The following C1orf21 variants were observed in gnomAD, a reference collection of about 807,000 sequenced individuals.
C1orf21 encodes uncharacterized protein C1orf21.
C1orf21 carries 3 observed loss-of-function variants against 18.7 expected under a neutral mutation model. The ratio of observed to expected loss-of-function variants is 0.16; its 90% confidence interval spans 0.07 to 0.42. C1orf21 has a LOEUF of 0.42. Ranked by LOEUF, C1orf21 falls within the 10% of genes least tolerant of loss-of-function variation. The pLI is 0.99. For synonymous variants in C1orf21, 41 were observed against 46.4 expected (o/e 0.88, Z 0.47); for missense variants, 104 against 143.6 (o/e 0.72, Z 1.41).
intron 1 of C1orf21, among the ~76,000 whole-genome samples, chr1:184,395,454 C>T (rs1321512503): frequency 6.6e-6 from 1 of 152,008 alleles, no homozygotes; most frequent in African/African-American, 2.4e-5. Context: ...CTTTGTTATT[C>T]ACTCAGATAA....
At chr1:184,426,735 G>T (rs1656643439) in intron 1 of C1orf21, among the ~76,000 whole-genome samples, 1 of 152,062 alleles carries the variant, frequency 6.6e-6, no homozygotes, top group Non-Finnish European at 1.5e-5. Context: ...TATTCCTAAT[G>T]CCTTTCCCTC....
At chr1:184,388,801 A>G (rs1486545825) in intron 1 of C1orf21, among the ~76,000 whole-genome samples, 1 of 152,172 alleles carries the variant, frequency 6.6e-6, no homozygotes, top group Non-Finnish European at 1.5e-5. Flanking sequence ...AAACAAACAT[A>G]GGTGGAGTGG....
At chr1:184,417,859 A>T (rs1656479261) in intron 1 of C1orf21, among the ~76,000 whole-genome samples, 1 of 152,196 alleles carries the variant, frequency 6.6e-6, no homozygotes, top group African/African-American at 2.4e-5. Context: ...GACATAATCA[A>T]TGTGTTGGGA....
At chr1:184,572,251 T>A (rs896497584) in intron 3 of C1orf21, among the ~76,000 whole-genome samples, 2 of 152,292 alleles carry the variant, frequency 1.3e-5, no homozygotes, top group Admixed American at 1.3e-4. Flanking sequence ...ACATAAGACC[T>A]CATGTAAGGA....
At chr1:184,568,265 T>G in intron 3 of C1orf21, 1 of 295,364 alleles carries the variant, frequency 3.4e-6, no homozygotes, top group East Asian at 9.1e-5. Flanking sequence ...GAGAATACAG[T>G]TCAGTGGCAT....
chr1:184,440,688 A>G (rs1336805410), intron 1 of C1orf21, among the ~76,000 whole-genome samples: 3 of 152,224 alleles, frequency 2.0e-5, no homozygotes, highest in African/African-American at 7.2e-5. Flanking sequence ...GTAAGTTTGA[A>G]TATCTTTGAT....
intron 1 of C1orf21, among the ~76,000 whole-genome samples, chr1:184,423,826 C>G (rs1656585210): frequency 6.6e-6 from 1 of 151,718 alleles, no homozygotes. Context: ...ATCCATCTAC[C>G]CATCCATCCC....
chr1:184,462,974 T>G (rs1657330053), intron 1 of C1orf21, among the ~76,000 whole-genome samples: 1 of 149,866 alleles, frequency 6.7e-6, no homozygotes, highest in Non-Finnish European at 1.5e-5. Flanking sequence ...CCCATTTACT[T>G]GGGAGGCTGA....
chr1:184,425,520 C>G (rs1246379325), intron 1 of C1orf21, among the ~76,000 whole-genome samples: 2 of 152,048 alleles, frequency 1.3e-5, no homozygotes, highest in Non-Finnish European at 2.9e-5. Context: ...TCCTGGCCTC[C>G]CAAAGTGTTG....
intron 5 of C1orf21, chr1:184,599,415 G>C (rs1019364240): frequency 1.2e-4 from 18 of 152,128 alleles, no homozygotes; most frequent in Non-Finnish European, 1.6e-4. Context: ...AAATTCATTA[G>C]TATTATTTAG....
intron 5 of C1orf21, chr1:184,599,498 C>T (rs1659558981): frequency 6.6e-6 from 1 of 152,028 alleles, no homozygotes; most frequent in Admixed American, 6.6e-5. Flanking sequence ...ATTAAAAGAC[C>T]AGCAAAGGTC....
intron 4 of C1orf21, 76 bp downstream of exon 4, chr1:184,590,891 C>A: frequency 7.8e-7 from 1 of 1,281,426 alleles, no homozygotes; most frequent in Non-Finnish European, 1.1e-6. Flanking sequence ...GATTCAACTA[C>A]CCATGGATCA....
intron 1 of C1orf21, among the ~76,000 whole-genome samples, chr1:184,446,063 A>G (rs531471394): frequency 2.1e-4 from 32 of 152,322 alleles, no homozygotes; most frequent in African/African-American, 7.2e-4. Context: ...GACAATTTTA[A>G]TGATAGACTT....
intron 3 of C1orf21, among the ~76,000 whole-genome samples, chr1:184,543,952 G>T (rs962077088): frequency 9.2e-5 from 14 of 152,064 alleles, no homozygotes; most frequent in Non-Finnish European, 1.6e-4. Context: ...TATTTGATTT[G>T]AGACTATAGT....
At chr1:184,501,403 C>T (rs140437669) in intron 2 of C1orf21, among the ~76,000 whole-genome samples, 110 of 152,296 alleles carry the variant, frequency 7.2e-4, no homozygotes, top group Non-Finnish European at 1.2e-3. Context: ...CACATAGGAG[C>T]TGTGTTCCTT....
chr1:184,530,873 C>A (rs975255354), intron 3 of C1orf21, among the ~76,000 whole-genome samples: 2 of 151,992 alleles, frequency 1.3e-5, no homozygotes, highest in African/African-American at 4.8e-5. Flanking sequence ...GTATTTGGGG[C>A]AACAGTCTTG....
In C1orf21 at chr1:184,600,412, G is replaced by A. The variant is rs190079547; in HGVS notation, c.327+1951G>A. Among the ~76,000 whole-genome samples, 9 of 152,162 alleles carry A rather than the reference G, an allele frequency of 5.9e-5. No homozygotes were observed. The East Asian group carries it at 1.5e-3, about 26-fold the overall frequency. Reference sequence around the variant, plus strand: ...GAACTCCTGACATCAGGTGATCGACGCACCTCAGCCTCCCAAAGTGCTGGG... The same window carrying A: ...GAACTCCTGACATCAGGTGATCGACACACCTCAGCCTCCCAAAGTGCTGGG... On this transcript the variant is annotated intron_variant, in intron 5 of 5. Transcript: ENST00000235307.
intron 3 of C1orf21, chr1:184,567,163 G>A (rs1659046516): frequency 2.1e-6 from 1 of 476,494 alleles, no homozygotes; most frequent in Non-Finnish European, 4.2e-6. Flanking sequence ...GTGGTTACTG[G>A]TGTGAGCTCA....
At chr1:184,538,566 T>C (rs1658595955) in intron 3 of C1orf21, among the ~76,000 whole-genome samples, 1 of 152,208 alleles carries the variant, frequency 6.6e-6, no homozygotes, top group African/African-American at 2.4e-5. Flanking sequence ...GCCTTATGCT[T>C]TCTAATAACA....
Sources: gnomAD v4.1 joint callset for allele counts (sites outside exome capture counted in the v4.1 genomes callset) on GRCh38, gnomAD v4.1.1 for gene constraint, MANE v1.5 for transcripts, NCBI Gene and HGNC (gene_info 2026-07-23, HGNC 2026-07-21) for gene names.